Variants in FHL2 observed in about 807,000 individuals in gnomAD.
The protein encoded by FHL2 is four and a half LIM domains 2, also known as four and a half LIM domains protein 2.
Under a neutral mutation model 32.7 loss-of-function variants are expected in FHL2, and 20 were observed. The observed-to-expected ratio is 0.61, with a 90% CI of 0.43 to 0.89. FHL2 has a LOEUF of 0.89. Ranked by LOEUF, FHL2 falls within the 40% of genes least tolerant of loss-of-function variation. The pLI is 0.00. For missense variants in FHL2, 311 were observed against 358.6 expected (o/e 0.87, Z 1.07); for synonymous variants, 123 against 128.1 (o/e 0.96, Z 0.27).
intron 2 of FHL2, among the ~76,000 whole-genome samples, chr2:105,387,727 C>T (rs1435798077): frequency 6.6e-6 from 1 of 152,146 alleles, no homozygotes; most frequent in Admixed American, 6.5e-5. Context: ...AACAGAACTA[C>T]CATTTGACCC....
chr2:105,434,658 T>C (rs1390118418), intron 1 of FHL2, among the ~76,000 whole-genome samples: 1 of 152,232 alleles, frequency 6.6e-6, no homozygotes, highest in Non-Finnish European at 1.5e-5. Flanking sequence ...GTTATAAGCT[T>C]CAGTTTCCTT....
intron 1 of FHL2, among the ~76,000 whole-genome samples, chr2:105,423,920 A>G (rs530365636): frequency 3.0e-4 from 45 of 152,204 alleles, no homozygotes; most frequent in Non-Finnish European, 5.7e-4. Flanking sequence ...AACCATAAAA[A>G]CCCTAGAAGA....
rs529189848 is a variant in FHL2 at position 105,377,342 on chromosome 2, A to G, written c.157-3609T>C. Among the ~76,000 whole-genome samples the G allele has an allele frequency of 5.3e-5, 8 of 152,316 alleles. No homozygotes were observed. The South Asian group carries it at 8.3e-4, about 16-fold the overall frequency. ...ACCATAATTAAAAGAATAAAAAAGT[A>G]AGTTTTGGCCAGGCGAGGTGGCTCA... On this transcript the variant is annotated intron_variant, in intron 3 of 6. Transcript: ENST00000530340.
chr2:105,414,141 A>G (rs942332536), intron 1 of FHL2, among the ~76,000 whole-genome samples: 1 of 152,160 alleles, frequency 6.6e-6, no homozygotes, highest in Non-Finnish European at 1.5e-5. Context: ...ATTAATATTT[A>G]CCATGTATTA....
At chr2:105,362,657 C>T (rs914168787) in intron 6 of FHL2, among the ~76,000 whole-genome samples, 4 of 152,174 alleles carry the variant, frequency 2.6e-5, no homozygotes, top group Non-Finnish European at 4.4e-5. Context: ...ATTTGTGTAG[C>T]GATATGTGGT....
chr2:105,378,009 T>C, intron 3 of FHL2: 1 of 463,840 alleles, frequency 2.2e-6, no homozygotes, highest in South Asian at 1.6e-5. Flanking sequence ...CAAGAAAAAC[T>C]GAGAGAGAAA....
intron 1 of FHL2, among the ~76,000 whole-genome samples, chr2:105,430,425 G>A (rs903441662): frequency 2.6e-5 from 4 of 152,206 alleles, no homozygotes; most frequent in African/African-American, 4.8e-5. Flanking sequence ...CCAGCACTTC[G>A]GGAGGCCAAG....
chr2:105,384,488 G>A (rs778886962), intron 3 of FHL2, among the ~76,000 whole-genome samples: 3 of 152,100 alleles, frequency 2.0e-5, no homozygotes, highest in Non-Finnish European at 4.4e-5. Context: ...CTATGAAGCA[G>A]ACCCCTGGTT....
At chr2:105,412,402 CTG>C (rs1236431769) in intron 1 of FHL2, among the ~76,000 whole-genome samples, 1 of 152,112 alleles carries the variant, frequency 6.6e-6, no homozygotes, top group Non-Finnish European at 1.5e-5. Context: ...AAAAAACAAA[CTG>C]GTGGTGGAGG....
chr2:105,378,893 C>G (rs1452953195), intron 3 of FHL2: 1 of 152,202 alleles, frequency 6.6e-6, no homozygotes, highest in African/African-American at 2.4e-5. Flanking sequence ...ACTGGCCCAC[C>G]TCCCTGCTGC....
At chr2:105,435,158 AG>A (rs1684568850) in intron 1 of FHL2, among the ~76,000 whole-genome samples, 1 of 151,956 alleles carries the variant, frequency 6.6e-6, no homozygotes, top group Admixed American at 6.6e-5. Flanking sequence ...AAAAATCAAA[AG>A]TTCTATGCAA....
intron 1 of FHL2, among the ~76,000 whole-genome samples, chr2:105,410,107 C>T (rs961555138): frequency 1.3e-5 from 2 of 152,220 alleles, no homozygotes; most frequent in South Asian, 2.1e-4. Context: ...ACACCAGAAT[C>T]GGGACACAGG....
intron 2 of FHL2, among the ~76,000 whole-genome samples, chr2:105,394,780 G>A (rs1683009526): frequency 6.6e-6 from 1 of 152,130 alleles, no homozygotes; most frequent in African/African-American, 2.4e-5. Context: ...CTAAATGCAT[G>A]TACAGACAGG....
At chr2:105,403,707 G>A (rs915933898), upstream of FHL2, among the ~76,000 whole-genome samples, 1 of 152,200 alleles carries the variant, frequency 6.6e-6, no homozygotes, top group Non-Finnish European at 1.5e-5. Flanking sequence ...CTCTGGACTC[G>A]GTAATTTACC....
chr2:105,424,516 C>T (rs570576587), intron 1 of FHL2, among the ~76,000 whole-genome samples: 2 of 152,332 alleles, frequency 1.3e-5, no homozygotes, highest in South Asian at 4.1e-4. Flanking sequence ...ACCCAGCAAT[C>T]CCATTACTGG....
intron 5 of FHL2, among the ~76,000 whole-genome samples, 174 bp downstream of exon 5, chr2:105,367,396 G>A (rs1482565373): frequency 6.6e-6 from 1 of 152,188 alleles, no homozygotes; most frequent in African/African-American, 2.4e-5. Flanking sequence ...TTGAAAGAAG[G>A]ATGGACACCC....
intron 3 of FHL2, among the ~76,000 whole-genome samples, chr2:105,384,282 A>G (rs1041153987): frequency 1.3e-5 from 2 of 152,144 alleles, no homozygotes; most frequent in Non-Finnish European, 2.9e-5. Context: ...CAAACTGGAC[A>G]TTTTTATTGA....
In FHL2 at chr2:105,393,660, G is replaced by T. The variant is rs546013053; in HGVS notation, c.-25+2987C>A. On this transcript the variant is annotated intron_variant, in intron 2 of 6. Transcript: ENST00000530340. Reference sequence around the variant, plus strand: ...AATGGATGAACAAATGAATTGACGGGTGGATGAATACAAACATGTCAGAGT... The same window carrying T: ...AATGGATGAACAAATGAATTGACGGTTGGATGAATACAAACATGTCAGAGT... 9.7e-4 allele frequency among the ~76,000 whole-genome samples: 148 copies of T among 152,302 alleles called. 1 individual carries two copies. The highest frequency in any genetic ancestry group is 3.4e-3 in the African/African-American group (141 of 41,568).
intron 2 of FHL2, among the ~76,000 whole-genome samples, chr2:105,395,501 T>G (rs1166270082): frequency 2.0e-5 from 3 of 152,182 alleles, no homozygotes; most frequent in Non-Finnish European, 4.4e-5. Flanking sequence ...TCTCTTGGCA[T>G]CCAGCAGCTT....
Sources: gnomAD v4.1 joint callset for allele counts (sites outside exome capture counted in the v4.1 genomes callset) on GRCh38, gnomAD v4.1.1 for gene constraint, MANE v1.5 for transcripts, NCBI Gene and HGNC (gene_info 2026-07-23, HGNC 2026-07-21) for gene names.